The following DNM1L variants were observed in gnomAD, a reference collection of about 807,000 sequenced individuals.
DNM1L encodes dynamin 1L.
Under a neutral mutation model 92.8 loss-of-function variants are expected in DNM1L, and 33 were observed. The ratio of observed to expected loss-of-function variants is 0.36; its 90% CI spans 0.27 to 0.48. The LOEUF (loss-of-function observed/expected upper bound fraction) is 0.48, where lower values mean the gene tolerates loss of function less well. DNM1L is among the 20% of genes least tolerant of loss of function. The pLI is 0.99. For missense variants in DNM1L, 485 were observed against 888.8 expected, an observed-to-expected ratio of 0.55 and a Z score of 5.78; for synonymous variants, 284 against 305.0, an observed-to-expected ratio of 0.93 and a Z score of 0.72.
chr12:32,726,480 CCTT>C (rs1406004090), intron 9 of DNM1L: 1 of 1,110,502 alleles, frequency 9.0e-7, no homozygotes, highest in African/African-American at 1.5e-5. Flanking sequence ...TGCTTCTTCA[CCTT>C]CTTCATCATA....
At chr12:32,697,234 A>G (rs1952505707) in intron 1 of DNM1L, among the ~76,000 whole-genome samples, 1 of 152,092 alleles carries the variant, frequency 6.6e-6, no homozygotes, top group Admixed American at 6.6e-5. Context: ...CTAAAAAAAT[A>G]TAAAAAATAA....
intron 1 of DNM1L, among the ~76,000 whole-genome samples, chr12:32,684,549 C>T (rs951959811): frequency 6.6e-6 from 1 of 151,980 alleles, no homozygotes; most frequent in African/African-American, 2.4e-5. Context: ...ACAATCTCAG[C>T]TCACTGCAAC....
In DNM1L at chr12:32,713,319, A is replaced by G; in HGVS notation, c.567A>G (p.Thr189=). The G allele has an allele frequency of 6.2e-7, 1 of 1,613,950 alleles. No homozygotes were observed. ...SIILAVTAAN[T]DMATSEALKI... is the part of the protein sequence containing the mutation. ...TCCTCGCTGTCACTGCTGCTAATAC[A>G]GATATGGCAACATCAGAGGCACTTA... The change falls in exon 6 of 20, where the codon ACA becomes ACG. Residue 189 remains threonine, a synonymous_variant. Coordinates refer to ENST00000549701, the MANE Select transcript of DNM1L (RefSeq NM_012062.5).
intron 1 of DNM1L, among the ~76,000 whole-genome samples, chr12:32,681,943 A>G (rs1951821159): frequency 6.6e-6 from 1 of 151,840 alleles, no homozygotes; most frequent in South Asian, 2.1e-4. Flanking sequence ...GCAGTGAGCT[A>G]TGATTCTGCG....
intron 1 of DNM1L, among the ~76,000 whole-genome samples, chr12:32,689,418 A>G (rs1263237817): frequency 2.0e-5 from 3 of 152,044 alleles, no homozygotes; most frequent in East Asian, 1.9e-4. Flanking sequence ...TCTGGTCTCA[A>G]CCTCAGGTGA....
chr12:32,741,607 T>A (rs1955297919), intron 18 of DNM1L, among the ~76,000 whole-genome samples: 1 of 152,184 alleles, frequency 6.6e-6, no homozygotes, highest in African/African-American at 2.4e-5. Context: ...TTAAGCCTCA[T>A]CCATACTGTA....
intron 9 of DNM1L, chr12:32,726,921 A>C: frequency 2.9e-6 from 2 of 698,720 alleles, no homozygotes; most frequent in Non-Finnish European, 2.6e-6. Flanking sequence ...AAATTCTAAG[A>C]CAAAACTCAT....
intron 1 of DNM1L, among the ~76,000 whole-genome samples, chr12:32,697,501 A>G (rs1366449054): frequency 6.6e-6 from 1 of 152,232 alleles, no homozygotes; most frequent in African/African-American, 2.4e-5. Context: ...TGGTGGTAGT[A>G]TTGGTGTTAT....
At chr12:32,710,851 A>T in intron 4 of DNM1L, 78 bp from the exon 5 acceptor site, 2 of 1,163,930 alleles carry the variant, frequency 1.7e-6, no homozygotes, top group Non-Finnish European at 2.4e-6. Context: ...TAAAAGCATT[A>T]ATGTCTATGT....
intron 18 of DNM1L, among the ~76,000 whole-genome samples, chr12:32,741,739 A>C (rs138121844): frequency 6.6e-6 from 1 of 152,342 alleles, no homozygotes; most frequent in Non-Finnish European, 1.5e-5. Flanking sequence ...TTAGATACAC[A>C]AATACTATTG....
At chr12:32,679,842 C>T (rs1951737584) in intron 1 of DNM1L, 2 of 1,001,398 alleles carry the variant, frequency 2.0e-6, no homozygotes, top group Non-Finnish European at 2.4e-6. Context: ...ACGCGCGGGG[C>T]ACTCGGGTCT....
intron 9 of DNM1L, among the ~76,000 whole-genome samples, chr12:32,723,150 T>A (rs1470525380): frequency 1.3e-5 from 2 of 151,732 alleles, no homozygotes; most frequent in African/African-American, 2.4e-5. Flanking sequence ...TTTTTTTTTT[T>A]AATTGAATCC....
At chr12:32,713,136 T>G in intron 5 of DNM1L, 73 bp from the exon 6 acceptor site, 3 of 1,462,348 alleles carry the variant, frequency 2.1e-6, no homozygotes, top group Non-Finnish European at 2.9e-6. Flanking sequence ...CTATATTCTA[T>G]CGATTAAATG....
At chr12:32,706,876 T>C (rs1334662611) in intron 2 of DNM1L, 1 of 334,020 alleles carries the variant, frequency 3.0e-6, no homozygotes, top group African/African-American at 2.2e-5. Flanking sequence ...CATTGACACA[T>C]TGTAAAATTT....
Position 32,740,240 on chromosome 12 carries a change from G to A in DNM1L, c.1884G>A (p.Val628=). The change falls in exon 17 of 20, where the codon GTG becomes GTA. Residue 628 remains valine, a splice_region_variant and synonymous_variant. Coordinates refer to ENST00000549701, the MANE Select transcript of DNM1L (RefSeq NM_012062.5). ...GTCATGCCGTGAACCTGCTAGATGT[G>A]GTAAGCCATGACAATTTGGTTTAGG... ...QKGHAVNLLD[V]PVPVARKLSA... The A allele has an allele frequency of 1.2e-6, 2 of 1,614,098 alleles. No homozygotes were observed. The highest frequency in any genetic ancestry group is 1.7e-6 in the Non-Finnish European group (2 of 1,180,016).
chr12:32,685,208 A>T (rs1951959064), intron 1 of DNM1L, among the ~76,000 whole-genome samples: 1 of 152,040 alleles, frequency 6.6e-6, no homozygotes, highest in Non-Finnish European at 1.5e-5. Flanking sequence ...AAGTGCTGGG[A>T]TTACAGGCGT....
chr12:32,730,496 A>G (rs1283715373), intron 9 of DNM1L, among the ~76,000 whole-genome samples: 1 of 152,254 alleles, frequency 6.6e-6, no homozygotes, highest in Non-Finnish European at 1.5e-5. Flanking sequence ...TGAGGTCAGG[A>G]GTTTGAGACA....
intron 1 of DNM1L, among the ~76,000 whole-genome samples, chr12:32,691,884 A>G (rs1952248936): frequency 6.6e-6 from 1 of 152,154 alleles, no homozygotes; most frequent in Admixed American, 6.6e-5. Flanking sequence ...CTGCACATAA[A>G]TATTGAGAGA....
At chr12:32,732,732 G>A (rs1428218382) in intron 12 of DNM1L, 2 of 378,382 alleles carry the variant, frequency 5.3e-6, no homozygotes, top group Non-Finnish European at 1.0e-5. Context: ...ACCCAGTTCT[G>A]GACTGATAAG....
Sources: allele counts gnomAD v4.1 joint callset (sites outside exome capture counted in the v4.1 genomes callset), GRCh38; gene constraint gnomAD v4.1.1; transcripts MANE v1.5; gene names NCBI Gene and HGNC (gene_info 2026-07-23, HGNC 2026-07-21).